Variants in HRH3 observed in about 807,000 individuals in gnomAD.
HRH3 encodes the protein histamine H3 receptor.
HRH3 carries 13 observed loss-of-function variants against 21.6 expected under a neutral mutation model. That is an observed-to-expected ratio of 0.60 (90% CI 0.39 to 0.96). The LOEUF (loss-of-function observed/expected upper bound fraction) is 0.96. HRH3 is among the 40% of genes least tolerant of loss of function. The pLI is 0.00. For missense variants in HRH3, 461 were observed against 622.7 expected (o/e 0.74, Z 2.76); for synonymous variants, 276 against 290.3 (o/e 0.95, Z 0.50).
chr20:62,217,487 G>A (rs748432664), intron 2 of HRH3, among the ~76,000 whole-genome samples: 2 of 152,338 alleles, frequency 1.3e-5, no homozygotes, highest in South Asian at 2.1e-4. Context: ...ATCCCAGATC[G>A]ACATCAGGGC....
chr20:62,219,576 T>C lies in HRH3; in HGVS notation c.250+145A>G, dbSNP rs922862341. On this transcript the variant is annotated intron_variant, in intron 1 of 2. Coordinates refer to ENST00000340177, the MANE Select transcript of HRH3 (RefSeq NM_007232.3). The surrounding 1 kb of genome is among the most constrained non-coding windows in gnomAD (Gnocchi z 8.7). Reference sequence around the variant, plus strand: ...AACTTCGCCTGTGCCCCCCACCCCATGGGCTCCGGACGCCCCCTTCCCAGG... The same window carrying C: ...AACTTCGCCTGTGCCCCCCACCCCACGGGCTCCGGACGCCCCCTTCCCAGG... The C allele has an allele frequency of 4.9e-6, 5 of 1,028,376 alleles. No individual in the cohort carries two copies. In the South Asian group the frequency reaches 6.8e-5, roughly 14 times the overall value. The allele number at this position is 1,028,376 out of a possible 1,614,324, so 63.7% of individuals were successfully genotyped here. A position where few individuals can be genotyped will look rare whatever the true frequency, so the allele number is the denominator to read the frequency against.
At position 62,216,682 on chromosome 20, in the gene HRH3, A is replaced by C. The variant is rs1416085365; in HGVS notation, c.662T>G (p.Ile221Ser). 1 of 1,613,072 alleles carries C rather than the reference A, an allele frequency of 6.2e-7. No individual in the cohort carries two copies. The highest frequency in any genetic ancestry group is 1.7e-5 in the Admixed American group (1 of 60,010). Reference protein sequence around the residue: ...FLSVTFFNLSIYLNIQRRTRL... With the variant: ...FLSVTFFNLSSYLNIQRRTRL... ...GGTGCGCCTCTGGATGTTCAGGTAG[A>C]TGCTGAGGTTAAAGAAGGTGACGCT... Residue 221 changes from isoleucine to serine, a missense_variant, in exon 3 of 3, where the codon ATC becomes AGC. Physicochemically the swap from Ile to Ser is moderately radical, Grantham distance 142. This residue lies in a region of HRH3 where 17 missense variants were observed against 54.0 expected (regional missense o/e 0.31). Transcript: ENST00000340177.
Position 62,216,423 on chromosome 20 carries a change from G to A in HRH3, c.921C>T (p.Ser307=), listed in dbSNP as rs201613503. The stretch of plus-strand genomic sequence containing the variant: ...TCTCAGTGCCCCTCGAGGAGCTGCC[G>A]GAGCTGGAGGTGGGTGAAGCCACGG... ...GGSVASPTSS[S]GSSSRGTERP... The change falls in exon 3 of 3, where the codon TCC becomes TCT. Residue 307 remains serine (S), a synonymous_variant. Transcript: ENST00000340177. 2.7e-5 allele frequency: 42 copies of A among 1,537,452 alleles called. No individual in the cohort carries two copies. The highest frequency in any genetic ancestry group is 3.0e-5 in the Non-Finnish European group (34 of 1,137,744).
rs1978744997 is a variant in HRH3, at chr20:62,219,946, G to A, written c.25C>T (p.Pro9Ser). Residue 9 changes from proline (P) to serine (S), a missense_variant, in exon 1 of 3, where the codon CCG becomes TCG. This residue lies in a region of HRH3 where 102 missense variants were observed against 155.6 expected (regional missense o/e 0.66). Coordinates refer to ENST00000340177, the MANE Select transcript of HRH3 (RefSeq NM_007232.3). The surrounding 1 kb of genome is among the most constrained non-coding windows in gnomAD (Gnocchi z 8.7). ...GCCAGCGCCCCCGAAGCGTTCAGCG[G>A]CCCGTCGGGCGGCGCGCGCTCCATG... MERAPPDG[P>S]LNASGALAGE... The A allele has an allele frequency of 1.7e-5, 19 of 1,110,112 alleles. No homozygotes were observed. The highest frequency in any genetic ancestry group is 2.1e-5 in the Non-Finnish European group (19 of 915,210). The allele number at this position is 1,110,112 out of a possible 1,614,324, so 68.8% of individuals were successfully genotyped here. A position where few individuals can be genotyped will look rare whatever the true frequency, so the allele number is the denominator to read the frequency against.
intron 2 of HRH3, among the ~76,000 whole-genome samples, 162 bp from the exon 3 acceptor site, chr20:62,217,088 C>CTAGA (rs1395512625): frequency 6.6e-6 from 1 of 151,952 alleles, no homozygotes; most frequent in Non-Finnish European, 1.5e-5. Flanking sequence ...CTTCCTCTAA[C>CTAGA]CCTCCCCACT....
Position 62,218,686 on chromosome 20 carries a change from A to G in HRH3, c.251-29T>C, listed in dbSNP as rs1978682154. 1 of 1,605,838 alleles carries G rather than the reference A, an allele frequency of 6.2e-7. No homozygotes were observed. On this transcript the variant is annotated intron_variant, in intron 1 of 2. Coordinates refer to ENST00000340177, the MANE Select transcript of HRH3 (RefSeq NM_007232.3). The surrounding 1 kb of genome is among the most constrained non-coding windows in gnomAD (Gnocchi z 5.6). ...TGGGGAGTAGGGCCACAGTGGGACCATGCAGCCAGGGGCCAGGGGACAGAC... is the reference window on the plus strand; with the variant it reads ...TGGGGAGTAGGGCCACAGTGGGACCGTGCAGCCAGGGGCCAGGGGACAGAC...
At position 62,216,108 on chromosome 20, in the gene HRH3, G is replaced by A. The variant is rs1978530879; in HGVS notation, c.1236C>T (p.Tyr412=). The A allele has an allele frequency of 2.5e-6, 4 of 1,612,682 alleles. No homozygotes were observed. In the African/African-American group the frequency reaches 4.0e-5, roughly 16 times the overall value. Reference sequence around the variant, plus strand: ...GGCGGAAGCTGTGGTGGCACAGAGGGTAGAGGACAGGGTTGACAGCCGAGT... The same window carrying A: ...GGCGGAAGCTGTGGTGGCACAGAGGATAGAGGACAGGGTTGACAGCCGAGT... The part of the protein sequence containing the change: ...WANSAVNPVL[Y]PLCHHSFRRA... The change falls in exon 3 of 3, where the codon TAC becomes TAT. Residue 412 remains tyrosine, a synonymous_variant. Coordinates refer to ENST00000340177, the MANE Select transcript of HRH3 (RefSeq NM_007232.3).
chr20:62,217,330 G>C (rs565125256), intron 2 of HRH3, among the ~76,000 whole-genome samples: 16 of 152,202 alleles, frequency 1.1e-4, no homozygotes, highest in Non-Finnish European at 2.1e-4. Context: ...TCCTGCAAAG[G>C]CCCGAGCCAT....
At position 62,219,654 on chromosome 20, in the gene HRH3, C is replaced by A. The variant is rs1601124019; in HGVS notation, c.250+67G>T. The A allele has an allele frequency of 5.9e-6, 9 of 1,532,428 alleles. No homozygotes were observed. The East Asian group carries it at 2.4e-4, about 41-fold the overall frequency. The allele number at this position is 1,532,428 out of a possible 1,614,324, so 94.9% of individuals were successfully genotyped here. On this transcript the variant is annotated intron_variant, in intron 1 of 2. Coordinates refer to ENST00000340177, the MANE Select transcript of HRH3 (RefSeq NM_007232.3). This position sits in a 1 kb window ranked among gnomAD's most constrained non-coding sequence, Gnocchi z 8.7. Reference sequence around the variant, plus strand: ...GCGGGAGCCACCCAGGTCCGTGTTCCAGTCCCCGCTGGCCCGGCCACGCTG... The same window carrying A: ...GCGGGAGCCACCCAGGTCCGTGTTCAAGTCCCCGCTGGCCCGGCCACGCTG...
In HRH3 at chr20:62,218,482, A is replaced by G. The variant is rs778346676; in HGVS notation, c.417+9T>C. The stretch of plus-strand genomic sequence containing the variant: ...GGAGTGAACAGGAGCTCCGCAGCCC[A>G]GGACTCACCGCTCGGGTGACCGACA... On this transcript the variant is annotated intron_variant, in intron 2 of 2. Coordinates refer to ENST00000340177, the MANE Select transcript of HRH3 (RefSeq NM_007232.3). The surrounding 1 kb of genome is among the most constrained non-coding windows in gnomAD (Gnocchi z 5.6). 8 of 1,610,080 alleles carry G rather than the reference A, an allele frequency of 5.0e-6. No individual in the cohort carries two copies. In the African/African-American group the frequency reaches 9.3e-5, roughly 19 times the overall value.
At position 62,216,539 on chromosome 20, in the gene HRH3, C is replaced by G; in HGVS notation, c.805G>C (p.Ala269Pro). The G allele has an allele frequency of 1.2e-6, 2 of 1,601,432 alleles. No individual in the cohort carries two copies. The highest frequency in any genetic ancestry group is 1.7e-6 in the Non-Finnish European group (2 of 1,174,948). ...WGCWQKGHGE[A>P]MPLHRYGVGE... ...ACCCCATACCTGTGCAGCGGCATGGCCTCCCCGTGCCCCTTCTGCCAGCAG... is the reference window on the plus strand; with the variant it reads ...ACCCCATACCTGTGCAGCGGCATGGGCTCCCCGTGCCCCTTCTGCCAGCAG... Residue 269 changes from alanine to proline, a missense_variant, in exon 3 of 3, where the codon GCC becomes CCC. Ala to Pro is a conservative substitution (Grantham distance 27). Coordinates refer to ENST00000340177, the MANE Select transcript of HRH3 (RefSeq NM_007232.3).
At position 62,215,018 on chromosome 20, in the gene HRH3, C is replaced by T. The variant is rs1010767902; in HGVS notation, c.*988G>A. ...CCTCACGGTTTGCAGGGCAGCGCAGCGGGCACAGGCAGAGGAGCATGCAGA... is the reference window on the plus strand; with the variant it reads ...CCTCACGGTTTGCAGGGCAGCGCAGTGGGCACAGGCAGAGGAGCATGCAGA... On this transcript the variant is annotated 3_prime_UTR_variant, in exon 3 of 3. Coordinates refer to ENST00000340177, the MANE Select transcript of HRH3 (RefSeq NM_007232.3). The T allele has an allele frequency of 1.2e-5, 3 of 253,216 alleles. No homozygotes were observed. The highest frequency in any genetic ancestry group is 9.5e-5 in the East Asian group (1 of 10,472). 15.7% of individuals were successfully genotyped at this position (253,216 alleles called of 1,614,324 possible).
In HRH3 at chr20:62,219,612, T is replaced by C; in HGVS notation, c.250+109A>G. ...CGCCCCCTTCCCAGGCCGGGTCCCCTGGTGGGGCGTGTGCCTGCGGGAGCC... is the reference window on the plus strand; with the variant it reads ...CGCCCCCTTCCCAGGCCGGGTCCCCCGGTGGGGCGTGTGCCTGCGGGAGCC... On this transcript the variant is annotated intron_variant, in intron 1 of 2. Transcript: ENST00000340177. The surrounding 1 kb of genome is among the most constrained non-coding windows in gnomAD (Gnocchi z 8.7). 3 of 1,379,992 alleles carry C rather than the reference T, an allele frequency of 2.2e-6. No individual in the cohort carries two copies. Among genetic ancestry groups the C allele is most frequent in the Non-Finnish European group, 1.9e-6 (2 of 1,034,556 alleles). 85.5% of individuals were successfully genotyped at this position (1,379,992 alleles called of 1,614,324 possible).
In HRH3 at chr20:62,219,770, G is replaced by A; in HGVS notation, c.201C>T (p.Thr67=). 1.2e-6 allele frequency: 2 copies of A among 1,606,176 alleles called. No homozygotes were observed. The highest frequency in any genetic ancestry group is 1.7e-6 in the Non-Finnish European group (2 of 1,176,700). Residue 67 remains threonine, a synonymous_variant, in exon 1 of 3, where the codon ACC becomes ACT. Transcript: ENST00000340177. This position sits in a 1 kb window ranked among gnomAD's most constrained non-coding sequence, Gnocchi z 8.7. The stretch of plus-strand genomic sequence containing the variant: ...GGTTGAGCAGGAAGAAGTTGTTCTG[G>A]GTGCGGAGGCTCGAGTCGGCCACGA... ...LAFVADSSLR[T]QNNFFLLNLA...
In HRH3 at chr20:62,216,524, T is replaced by A; in HGVS notation, c.820A>T (p.Arg274Trp). 1 of 1,598,116 alleles carries A rather than the reference T, an allele frequency of 6.3e-7. No individual in the cohort carries two copies. Among genetic ancestry groups the A allele is most frequent in the Non-Finnish European group, 8.5e-7 (1 of 1,173,638 alleles). The change falls in exon 3 of 3, where the codon AGG (arginine) becomes TGG (tryptophan). Residue 274 changes from arginine to tryptophan, a missense_variant. Coordinates refer to ENST00000340177, the MANE Select transcript of HRH3 (RefSeq NM_007232.3). Reference protein sequence around the residue: ...KGHGEAMPLHRYGVGEAAVGA... With the variant: ...KGHGEAMPLHWYGVGEAAVGA... ...ACGGCCGCCTCACCCACCCCATACCTGTGCAGCGGCATGGCCTCCCCGTGC... is the reference window on the plus strand; with the variant it reads ...ACGGCCGCCTCACCCACCCCATACCAGTGCAGCGGCATGGCCTCCCCGTGC...
In HRH3 at chr20:62,218,231, G is replaced by T. The variant is rs530376494; in HGVS notation, c.417+260C>A. 2.6e-3 allele frequency among the ~76,000 whole-genome samples: 391 copies of T among 152,346 alleles called. 1 individual carries two copies. The highest frequency in any genetic ancestry group is 9.0e-3 in the African/African-American group (375 of 41,588). On this transcript the variant is annotated intron_variant, in intron 2 of 2. Coordinates refer to ENST00000340177, the MANE Select transcript of HRH3 (RefSeq NM_007232.3). The surrounding 1 kb of genome is among the most constrained non-coding windows in gnomAD (Gnocchi z 5.6). ...GACTGTGGACCTGCCCCAGGGCGGG[G>T]GCTGCAGCGACAGCCCTGCCTTCAG... is the stretch of plus-strand genomic sequence containing the variant.
rs2145885871 is a variant in HRH3, at chr20:62,215,269, C to CG, written c.*736dup. On this transcript the variant is annotated 3_prime_UTR_variant, in exon 3 of 3. Coordinates refer to ENST00000340177, the MANE Select transcript of HRH3 (RefSeq NM_007232.3). ...GCAGAAGCAGCTGGCACAGCTCAGC[C>CG]GGAAGCCTTAGCGGAGGGAGGAGGG... The CG allele has an allele frequency of 4.4e-6, 2 of 450,136 alleles. No homozygotes were observed. The highest frequency in any genetic ancestry group is 4.7e-5 in the Admixed American group (2 of 42,370). 27.9% of individuals were successfully genotyped at this position (450,136 alleles called of 1,614,324 possible). A position where few individuals can be genotyped will look rare whatever the true frequency, so the allele number is the denominator to read the frequency against.
In HRH3 at chr20:62,218,472, TC is replaced by T; in HGVS notation, c.417+18del. The T allele has an allele frequency of 1.9e-6, 3 of 1,607,956 alleles. No homozygotes were observed. Among genetic ancestry groups the T allele is most frequent in the Non-Finnish European group, 2.5e-6 (3 of 1,178,972 alleles). ...CTGTCCCTGCGGAGTGAACAGGAGC[TC>T]CGCAGCCCAGGACTCACCGCTCGGG... On this transcript the variant is annotated intron_variant, in intron 2 of 2. Coordinates refer to ENST00000340177, the MANE Select transcript of HRH3 (RefSeq NM_007232.3). This position sits in a 1 kb window ranked among gnomAD's most constrained non-coding sequence, Gnocchi z 5.6.
In HRH3 at chr20:62,216,487, G is replaced by T. The variant is rs1204015844; in HGVS notation, c.857C>A (p.Ala286Asp). The T allele has an allele frequency of 1.3e-5, 21 of 1,568,254 alleles. No homozygotes were observed. Among genetic ancestry groups the T allele is most frequent in the Non-Finnish European group, 1.7e-5 (20 of 1,157,690 alleles). ...GVGEAAVGAEAGEATLGGGGG... is the reference protein window; with the variant it reads ...GVGEAAVGAEDGEATLGGGGG... ...GCCACCCCCGAGGGTCGCCTCCCCG[G>T]CCTCAGCGCCTACGGCCGCCTCACC... is the stretch of plus-strand genomic sequence containing the variant. Residue 286 changes from alanine (A) to aspartate (D), a missense_variant, in exon 3 of 3, where the codon GCC becomes GAC. Physicochemically the swap from Ala to Asp is moderately radical, Grantham distance 126. Around this residue, in one of 6 missense-constraint regions of HRH3, gnomAD observed 163 missense variants for 139.4 expected, o/e 1.17. Coordinates refer to ENST00000340177, the MANE Select transcript of HRH3 (RefSeq NM_007232.3).
Sources: allele counts gnomAD v4.1 joint callset (sites outside exome capture counted in the v4.1 genomes callset), GRCh38; gene constraint gnomAD v4.1.1; regional missense constraint gnomAD v4.1.1; non-coding constraint Gnocchi (gnomAD v3.1); transcripts MANE v1.5; gene names NCBI Gene and HGNC (gene_info 2026-07-23, HGNC 2026-07-21).